LRP1B: variants seen among roughly 807,000 people sequenced by gnomAD.
LRP1B encodes the protein LDL receptor related protein 1B.
In LRP1B, 217 loss-of-function variants were observed where a neutral mutation model predicts 556.6. The observed-to-expected ratio is 0.39, with a 90% CI of 0.35 to 0.44. LRP1B has a LOEUF of 0.44. LRP1B is among the 20% of genes least tolerant of loss of function. LRP1B has a pLI of 1.00. For synonymous variants in LRP1B, 2,047 were observed against 1,865.8 expected (o/e 1.10, Z -2.50); for missense variants, 5,053 against 5,620.8 (o/e 0.90, Z 3.23).
intron 2 of LRP1B, among the ~76,000 whole-genome samples, chr2:141,722,354 G>A (rs889004222): frequency 1.3e-5 from 2 of 152,160 alleles, no homozygotes; most frequent in Non-Finnish European, 2.9e-5. Context: ...CTACAGCTTG[G>A]TTGACAGAGT....
intron 3 of LRP1B, among the ~76,000 whole-genome samples, chr2:141,463,369 A>T (rs1347025654): frequency 6.6e-6 from 1 of 151,528 alleles, no homozygotes; most frequent in Non-Finnish European, 1.5e-5. Flanking sequence ...ACATGCCACA[A>T]ATCATAAATG....
rs141468902 is a variant in LRP1B, at chr2:141,722,855, C to T, written c.205+87424G>A. On this transcript the variant is annotated intron_variant, in intron 2 of 90. Coordinates refer to ENST00000389484, the MANE Select transcript of LRP1B (RefSeq NM_018557.3). The stretch of plus-strand genomic sequence containing the variant: ...TGGCTTGTTTCTTGTTTAAGTTTTA[C>T]ATCATGGGCTTATTCATCCAAGTAA... Among the ~76,000 whole-genome samples the T allele has an allele frequency of 4.2e-3, 641 of 152,118 alleles. 4 individuals are homozygous for T. The highest frequency in any genetic ancestry group is 0.014 in the African/African-American group (584 of 41,508).
chr2:140,501,439 GTTTA>G (rs953293168), intron 55 of LRP1B, among the ~76,000 whole-genome samples: 3 of 151,676 alleles, frequency 2.0e-5, no homozygotes, highest in South Asian at 2.1e-4. Flanking sequence ...GTCTTCCCTG[GTTTA>G]TTTATTTCCT....
intron 7 of LRP1B, among the ~76,000 whole-genome samples, chr2:141,168,033 A>G (rs1680341938): frequency 6.6e-6 from 1 of 152,090 alleles, no homozygotes; most frequent in African/African-American, 2.4e-5. Flanking sequence ...AGTATAGTAT[A>G]ATAGTTTTCA....
intron 2 of LRP1B, among the ~76,000 whole-genome samples, chr2:141,599,847 T>A (rs994374747): frequency 1.3e-5 from 2 of 152,136 alleles, no homozygotes; most frequent in Non-Finnish European, 2.9e-5. Context: ...CTTTAACCCA[T>A]ATGCCTACAC....
chr2:141,579,549 T>G (rs1345717011), intron 2 of LRP1B, among the ~76,000 whole-genome samples: 1 of 151,986 alleles, frequency 6.6e-6, no homozygotes, highest in Non-Finnish European at 1.5e-5. Flanking sequence ...ATGTATGAAC[T>G]AATAATAAAT....
At position 141,139,516 on chromosome 2, in the gene LRP1B, A is replaced by G. The variant is rs184259667; in HGVS notation, c.1013+48905T>C. On this transcript the variant is annotated intron_variant, in intron 7 of 90. Coordinates refer to ENST00000389484, the MANE Select transcript of LRP1B (RefSeq NM_018557.3). The stretch of plus-strand genomic sequence containing the variant: ...CAAAACCCTCCAATAAGAAAAAAAA[A>G]TTATCCTACACAAAAAGGGCAAAGG... Among the ~76,000 whole-genome samples, 859 of 152,026 alleles carry G rather than the reference A, an allele frequency of 5.7e-3. 10 individuals are homozygous for G. The highest frequency in any genetic ancestry group is 0.02 in the African/African-American group (811 of 41,512).
intron 2 of LRP1B, among the ~76,000 whole-genome samples, chr2:141,611,911 G>A (rs964737929): frequency 3.9e-5 from 6 of 152,154 alleles, no homozygotes; most frequent in Non-Finnish European, 8.8e-5. Flanking sequence ...TTCAGAGACT[G>A]GTAAAACTGG....
At chr2:140,774,192 A>C (rs2104945909) in intron 33 of LRP1B, among the ~76,000 whole-genome samples, 1 of 152,314 alleles carries the variant, frequency 6.6e-6, no homozygotes, top group South Asian at 2.1e-4. Flanking sequence ...TCTTTAATAC[A>C]GATGCTTTTA....
At chr2:140,729,066 T>C (rs1323154382) in intron 35 of LRP1B, among the ~76,000 whole-genome samples, 1 of 152,048 alleles carries the variant, frequency 6.6e-6, no homozygotes, top group African/African-American at 2.4e-5. Flanking sequence ...CATAATATTG[T>C]CTTTATGCAT....
chr2:141,324,028 CCACACACACACACA>C (rs57105906), intron 3 of LRP1B, among the ~76,000 whole-genome samples: 2,322 of 113,100 alleles, frequency 0.021, 47 homozygotes, highest in Non-Finnish European at 0.031. Flanking sequence ...AACAAGGAAA[CCACACACACACACA>C]CACACACACA....
intron 2 of LRP1B, among the ~76,000 whole-genome samples, chr2:141,497,431 A>G (rs1019380751): frequency 6.6e-6 from 1 of 152,052 alleles, no homozygotes; most frequent in Non-Finnish European, 1.5e-5. Flanking sequence ...AAAACAAACA[A>G]AAAACACCTC....
chr2:140,787,590 A>G (rs1428620638), intron 32 of LRP1B, among the ~76,000 whole-genome samples: 5 of 39,804 alleles, frequency 1.3e-4, no homozygotes, highest in Non-Finnish European at 2.1e-4. Context: ...TTTTTTTTTG[A>G]GACAGGTTCT....
intron 2 of LRP1B, among the ~76,000 whole-genome samples, chr2:141,590,383 T>C (rs1381297919): frequency 2.0e-5 from 3 of 152,290 alleles, no homozygotes; most frequent in South Asian, 2.1e-4. Flanking sequence ...TTAAAAACTT[T>C]CGTACAGCAA....
At chr2:141,034,442 A>T (rs900962584) in intron 11 of LRP1B, among the ~76,000 whole-genome samples, 4 of 151,932 alleles carry the variant, frequency 2.6e-5, no homozygotes, top group African/African-American at 9.7e-5. Context: ...ATGGGAGAAA[A>T]TTTTCACAAC....
intron 41 of LRP1B, among the ~76,000 whole-genome samples, chr2:140,658,514 C>T (rs1329381498): frequency 1.3e-5 from 2 of 151,780 alleles, no homozygotes; most frequent in East Asian, 3.9e-4. Context: ...TTTTCTCATC[C>T]TGAATTTCCA....
intron 58 of LRP1B, among the ~76,000 whole-genome samples, chr2:140,487,177 A>C (rs78248245): frequency 0.05 from 7,553 of 151,972 alleles, 230 homozygotes; most frequent in African/African-American, 0.057. Flanking sequence ...TACACAAATG[A>C]ATTCAATTAT....
At chr2:140,285,394 T>C (rs4525627) in intron 84 of LRP1B, among the ~76,000 whole-genome samples, 109 of 148,828 alleles carry the variant, frequency 7.3e-4, no homozygotes, top group African/African-American at 2.3e-3. Flanking sequence ...TATATATATA[T>C]ACACACAGAG....
chr2:141,452,898 T>C (rs970248908), intron 3 of LRP1B, among the ~76,000 whole-genome samples: 7 of 152,212 alleles, frequency 4.6e-5, no homozygotes, highest in African/African-American at 9.6e-5. Context: ...TGGATGACTA[T>C]ATTATTTCAC....
Sources: gnomAD v4.1 joint callset for allele counts (sites outside exome capture counted in the v4.1 genomes callset) on GRCh38, gnomAD v4.1.1 for gene constraint, MANE v1.5 for transcripts, NCBI Gene and HGNC (gene_info 2026-07-23, HGNC 2026-07-21) for gene names.